The following ENTPD6 variants were observed in gnomAD, a reference collection of about 807,000 sequenced individuals.
ENTPD6 encodes the protein ectonucleoside triphosphate diphosphohydrolase 6, also known as CD39 antigen-like 2.
ENTPD6 carries 46 observed loss-of-function variants against 61.5 expected under a neutral mutation model. The observed-to-expected ratio is 0.75, with a 90% confidence interval of 0.59 to 0.96. ENTPD6 has a LOEUF of 0.96. ENTPD6 is among the 40% of genes least tolerant of loss of function. ENTPD6 has a pLI of 0.00. For synonymous variants in ENTPD6, 252 were observed against 255.5 expected (o/e 0.99, Z 0.13); for missense variants, 612 against 629.0 (o/e 0.97, Z 0.29).
chr20:25,225,087 T>C (rs1278260566), intron 13 of ENTPD6, 118 bp from the exon 14 acceptor site: 1 of 1,463,580 alleles, frequency 6.8e-7, no homozygotes. Flanking sequence ...GCCTTGTCTG[T>C]GAATCCGGAG....
intron 2 of ENTPD6, 96 bp from the exon 3 acceptor site, chr20:25,206,980 G>A: frequency 8.8e-7 from 1 of 1,134,064 alleles, no homozygotes. Context: ...AGCAGTTTCA[G>A]GTTGAACATT....
Position 25,216,751 on chromosome 20 carries a change from C to A in ENTPD6, c.798+15C>A, listed in dbSNP as rs373104784. 6.4e-7 allele frequency: 1 copy of A among 1,569,198 alleles called. No individual in the cohort carries two copies. Among genetic ancestry groups the A allele is most frequent in the South Asian group, 1.2e-5 (1 of 85,462 alleles). The stretch of plus-strand genomic sequence containing the variant: ...CACGCGTGGAGGTAACAAGCCCTGC[C>A]GACCACAGCGCTCTTTCCACCCCGA... On this transcript the variant is annotated intron_variant, in intron 8 of 14. Coordinates refer to ENST00000376652, the MANE Select transcript of ENTPD6 (RefSeq NM_001247.5).
Position 25,218,087 on chromosome 20 carries a change from CCTT to C in ENTPD6, c.879-460_879-458del, listed in dbSNP as rs57154427. Among the ~76,000 whole-genome samples the C allele has an allele frequency of 9.5e-3, 1,442 of 151,994 alleles. 27 individuals carry two copies. The highest frequency in any genetic ancestry group is 0.033 in the African/African-American group (1,375 of 41,338). On this transcript the variant is annotated intron_variant, in intron 9 of 14. Transcript: ENST00000376652. ...CTCCTCCTCCTCCCGCCTCCTCTGT[CCTT>C]CTCCTTCATCCTTTAATGTGTCTAC...
chr20:25,209,790 G>A, intron 3 of ENTPD6, 59 bp from the exon 4 acceptor site: 3 of 1,425,816 alleles, frequency 2.1e-6, no homozygotes, highest in African/African-American at 2.8e-5. Context: ...AGTCATGATT[G>A]TATGTGTTCT....
At chr20:25,199,773 C>T (rs1051247190) in intron 1 of ENTPD6, among the ~76,000 whole-genome samples, 6 of 152,140 alleles carry the variant, frequency 3.9e-5, no homozygotes, top group Admixed American at 3.3e-4. Context: ...AGTGAAATGC[C>T]TTTAAGGCTC....
rs1600701482 is a variant in ENTPD6 at position 25,225,956 on chromosome 20, C to T, written c.*359C>T. 1.7e-5 allele frequency: 3 copies of T among 178,448 alleles called. No homozygotes were observed. The highest frequency in any genetic ancestry group is 6.1e-5 in the Admixed American group (1 of 16,426). 11.1% of individuals were successfully genotyped at this position (178,448 alleles called of 1,614,324 possible). On this transcript the variant is annotated 3_prime_UTR_variant, in exon 15 of 15. Transcript: ENST00000376652. ...GTGGCTGCTGCTGTGCATGTCCCTGCGATGGGAGTCTTGTCTCCCAGCCTG... is the reference window on the plus strand; with the variant it reads ...GTGGCTGCTGCTGTGCATGTCCCTGTGATGGGAGTCTTGTCTCCCAGCCTG...
At chr20:25,217,647 A>G (rs1280316952) in intron 9 of ENTPD6, 66 bp downstream of exon 9, 33 of 1,387,432 alleles carry the variant, frequency 2.4e-5, no homozygotes, top group Non-Finnish European at 2.9e-5. Flanking sequence ...AGGGCCTCGC[A>G]TGGCCCTCTT....
intron 5 of ENTPD6, among the ~76,000 whole-genome samples, chr20:25,214,141 G>A (rs2092163948): frequency 6.6e-6 from 1 of 152,166 alleles, no homozygotes; most frequent in African/African-American, 2.4e-5. Flanking sequence ...CAGCACGTCA[G>A]GGCCAATGTG....
intron 9 of ENTPD6, 104 bp from the exon 10 acceptor site, chr20:25,218,446 G>A: frequency 1.9e-6 from 2 of 1,035,988 alleles, no homozygotes; most frequent in Non-Finnish European, 2.9e-6. Flanking sequence ...TAACTGCCTT[G>A]CTGCAAGCTC....
intron 1 of ENTPD6, among the ~76,000 whole-genome samples, chr20:25,206,282 A>G (rs933606343): frequency 6.6e-6 from 1 of 152,202 alleles, no homozygotes; most frequent in African/African-American, 2.4e-5. Flanking sequence ...TGAGGGAGGG[A>G]CAGGCTGATG....
intron 1 of ENTPD6, among the ~76,000 whole-genome samples, chr20:25,203,029 C>T (rs540317313): frequency 6.6e-6 from 1 of 152,274 alleles, no homozygotes; most frequent in Admixed American, 6.5e-5. Flanking sequence ...TTGTGAAGGA[C>T]AGTTTTGCTG....
At position 25,214,758 on chromosome 20, in the gene ENTPD6, C is replaced by A. The variant is rs6050445; in HGVS notation, c.598-109C>A. Reference sequence around the variant, plus strand: ...GATCACAACCAGTTACAGATTTTTTCGTTCTTCTCCACCCACACTGCTTCA... The same window carrying A: ...GATCACAACCAGTTACAGATTTTTTAGTTCTTCTCCACCCACACTGCTTCA... On this transcript the variant is annotated intron_variant, in intron 5 of 14. Transcript: ENST00000376652. 312 of 686,328 alleles carry A rather than the reference C, an allele frequency of 4.5e-4. 9 individuals are homozygous for A. The South Asian group carries it at 5.1e-3, about 11-fold the overall frequency. 42.5% of individuals were successfully genotyped at this position (686,328 alleles called of 1,614,324 possible). A position where few individuals can be genotyped will look rare whatever the true frequency, so the allele number is the denominator to read the frequency against.
chr20:25,201,499 T>C (rs73097801), intron 1 of ENTPD6, among the ~76,000 whole-genome samples: 8,575 of 152,338 alleles, frequency 0.056, 355 homozygotes, highest in Non-Finnish European at 0.083. Context: ...TTGACTATTT[T>C]ATCATGATAT....
chr20:25,196,322 C>A, intron 1 of ENTPD6: 1 of 779,338 alleles, frequency 1.3e-6, no homozygotes, highest in Non-Finnish European at 1.6e-6. Flanking sequence ...GGGGTGGTGT[C>A]CCGAGGAGCT....
At chr20:25,208,901 G>A (rs567075385) in intron 3 of ENTPD6, among the ~76,000 whole-genome samples, 1 of 152,112 alleles carries the variant, frequency 6.6e-6, no homozygotes, top group East Asian at 1.9e-4. Flanking sequence ...AGTAAAGTTG[G>A]ATTTTTATTT....
At chr20:25,220,858 C>T (rs975981753) in intron 10 of ENTPD6, among the ~76,000 whole-genome samples, 2 of 147,924 alleles carry the variant, frequency 1.4e-5, no homozygotes, top group African/African-American at 5.1e-5. Flanking sequence ...ATGGTGGCAC[C>T]TGGTGGCACT....
chr20:25,225,482 C>A lies in ENTPD6; in HGVS notation c.1357-17C>A. On this transcript the variant is annotated splice_polypyrimidine_tract_variant and intron_variant, in intron 14 of 14. Transcript: ENST00000376652. Reference sequence around the variant, plus strand: ...CTGTCTGTGTGATGGTCCCCTCTCCCTCTCTGTCTTTTCAAGCTCACTCGG... The same window carrying A: ...CTGTCTGTGTGATGGTCCCCTCTCCATCTCTGTCTTTTCAAGCTCACTCGG... 1 of 1,611,596 alleles carries A rather than the reference C, an allele frequency of 6.2e-7. No homozygotes were observed. Among genetic ancestry groups the A allele is most frequent in the Non-Finnish European group, 8.5e-7 (1 of 1,178,384 alleles).
At chr20:25,198,610 T>C (rs2090738697) in intron 1 of ENTPD6, among the ~76,000 whole-genome samples, 1 of 152,226 alleles carries the variant, frequency 6.6e-6, no homozygotes, top group African/African-American at 2.4e-5. Context: ...CTAGAAATAT[T>C]GTAATTTAAT....
chr20:25,203,272 C>T (rs6050431), intron 1 of ENTPD6, among the ~76,000 whole-genome samples: 83,196 of 152,070 alleles, frequency 0.55, 23,784 homozygotes, highest in East Asian at 0.92. Context: ...GTTTATCTTA[C>T]GTGGGGTTTA....
Sources: allele counts gnomAD v4.1 joint callset (sites outside exome capture counted in the v4.1 genomes callset), GRCh38; gene constraint gnomAD v4.1.1; transcripts MANE v1.5; gene names NCBI Gene and HGNC (gene_info 2026-07-23, HGNC 2026-07-21).